SYNJ1: variants seen among roughly 807,000 people sequenced by gnomAD.
SYNJ1 encodes the protein polyphosphatidylinositol phosphatase SYNJ1.
SYNJ1 carries 78 observed loss-of-function variants against 168.2 expected under a neutral mutation model. That is an observed-to-expected ratio of 0.46 (90% CI 0.39 to 0.56). The LOEUF (loss-of-function observed/expected upper bound fraction) is 0.56. Among genes scored for constraint, SYNJ1 ranks in the 20% least tolerant of loss-of-function variants. The probability of loss-of-function intolerance (pLI) is 0.00; values close to 1 mark genes in which losing one functional copy is unlikely to be tolerated. For missense variants in SYNJ1, 1,303 were observed against 1,597.6 expected, an observed-to-expected ratio of 0.82 and a Z score of 3.14; for synonymous variants, 539 against 548.6, an observed-to-expected ratio of 0.98 and a Z score of 0.24.
At chr21:32,709,463 G>A (rs1283837486) in intron 2 of SYNJ1, among the ~76,000 whole-genome samples, 2 of 108,622 alleles carry the variant, frequency 1.8e-5, no homozygotes, top group Non-Finnish European at 3.4e-5. Flanking sequence ...GGGCGACACA[G>A]CAAGACTCTG....
At chr21:32,631,930 T>G in intron 32 of SYNJ1, 129 bp from the exon 33 acceptor site, 2 of 832,434 alleles carry the variant, frequency 2.4e-6, no homozygotes, top group South Asian at 4.4e-5. Context: ...AGTAGCTTTG[T>G]GTAGTTTGTT....
intron 23 of SYNJ1, among the ~76,000 whole-genome samples, chr21:32,649,219 G>T (rs371472452): frequency 2.6e-5 from 4 of 152,160 alleles, no homozygotes; most frequent in African/African-American, 7.2e-5. Context: ...CACAGCTGTC[G>T]AATCTCCAGC....
chr21:32,678,521 T>C, intron 12 of SYNJ1, 124 bp downstream of exon 12: 2 of 1,071,316 alleles, frequency 1.9e-6, no homozygotes, highest in Non-Finnish European at 2.5e-6. Flanking sequence ...TTTCAAAAAT[T>C]ACCTTTACAG....
At chr21:32,727,408 C>G (rs934341877) in intron 1 of SYNJ1, among the ~76,000 whole-genome samples, 10 of 152,264 alleles carry the variant, frequency 6.6e-5, no homozygotes, top group Middle Eastern at 3.4e-3. Flanking sequence ...TTATCCCACG[C>G]GACAGGCTCT....
chr21:32,637,654 G>A (rs2039639102), intron 31 of SYNJ1, among the ~76,000 whole-genome samples: 1 of 152,002 alleles, frequency 6.6e-6, no homozygotes, highest in African/African-American at 2.4e-5. Context: ...GACCTCAGGC[G>A]ATCGACCCGC....
upstream of SYNJ1, chr21:32,728,302 A>C: frequency 2.3e-6 from 1 of 429,320 alleles, no homozygotes; most frequent in Non-Finnish European, 4.2e-6. Flanking sequence ...CCGGGGAGGG[A>C]CTCCGGAGAA....
intron 32 of SYNJ1, among the ~76,000 whole-genome samples, chr21:32,632,717 T>C (rs2039392467): frequency 1.3e-5 from 2 of 152,240 alleles, no homozygotes; most frequent in South Asian, 2.1e-4. Context: ...TCTCCTTTGT[T>C]GAATAAACTG....
Position 32,641,313 on chromosome 21 carries a change from A to C in SYNJ1, c.3588+583T>G, listed in dbSNP as rs11911692. Among the ~76,000 whole-genome samples the C allele has an allele frequency of 1.3e-3, 197 of 152,318 alleles. 1 individual carries two copies. Among genetic ancestry groups the C allele is most frequent in the African/African-American group, 4.6e-3 (193 of 41,564 alleles). On this transcript the variant is annotated intron_variant, in intron 29 of 32. Coordinates refer to ENST00000674351, the MANE Select transcript of SYNJ1 (RefSeq NM_203446.3). ...TGATTACCTGTTATAGTCCAGAGAA[A>C]GTTTTCAAATAATAAAAAACCTATG...
In SYNJ1 at chr21:32,642,076, T is replaced by C; in HGVS notation, c.3517+19A>G. The C allele has an allele frequency of 6.2e-7, 1 of 1,614,134 alleles. No individual in the cohort carries two copies. Among genetic ancestry groups the C allele is most frequent in the South Asian group, 1.1e-5 (1 of 91,084 alleles). On this transcript the variant is annotated intron_variant, in intron 28 of 32. Coordinates refer to ENST00000674351, the MANE Select transcript of SYNJ1 (RefSeq NM_203446.3). Reference sequence around the variant, plus strand: ...CGGTCCAGTTTTAAGGGTGAATAGCTACATTCAAGTGTTTTTACCTATATT... The same window carrying C: ...CGGTCCAGTTTTAAGGGTGAATAGCCACATTCAAGTGTTTTTACCTATATT...
intron 2 of SYNJ1, 117 bp from the exon 3 acceptor site, chr21:32,702,164 T>C (rs576119143): frequency 2.6e-5 from 17 of 645,854 alleles, no homozygotes; most frequent in Admixed American, 2.1e-4. Flanking sequence ...TTAAAATAAA[T>C]GTACTGCATA....
Position 32,685,900 on chromosome 21 carries a change from A to G in SYNJ1, c.966T>C (p.Ser322=). Residue 322 remains serine, a synonymous_variant, in exon 9 of 33, where the codon TCT becomes TCC. Transcript: ENST00000674351. ...CCATCTGGATATCAGCAGCATGTTC[A>G]GAAGCTTTCAAATGACTCTGAAAGT... ...SKAFQSHLKA[S]EHAADIQMVN... is the part of the protein sequence containing the mutation. 1 of 1,605,596 alleles carries G rather than the reference A, an allele frequency of 6.2e-7. No homozygotes were observed. Among genetic ancestry groups the G allele is most frequent in the Non-Finnish European group, 8.5e-7 (1 of 1,177,238 alleles).
intron 9 of SYNJ1, among the ~76,000 whole-genome samples, 195 bp from the exon 10 acceptor site, chr21:32,684,314 T>C (rs1307586306): frequency 1.3e-5 from 2 of 152,218 alleles, no homozygotes; most frequent in Non-Finnish European, 1.5e-5. Flanking sequence ...ACTGTTAACA[T>C]TTTGTCACAT....
chr21:32,645,950 A>G (rs1415241040), intron 24 of SYNJ1, 161 bp from the exon 25 acceptor site: 2 of 1,095,894 alleles, frequency 1.8e-6, no homozygotes, highest in Non-Finnish European at 2.8e-6. Flanking sequence ...TCTACTATTA[A>G]ACTGCCCTTT....
At chr21:32,718,761 C>A (rs2043112474) in intron 2 of SYNJ1, among the ~76,000 whole-genome samples, 1 of 151,962 alleles carries the variant, frequency 6.6e-6, no homozygotes, top group African/African-American at 2.4e-5. Flanking sequence ...AGGAAAGAAA[C>A]TTTGTTTTTA....
At chr21:32,668,605 T>C (rs62214744) in intron 15 of SYNJ1, among the ~76,000 whole-genome samples, 74 of 152,340 alleles carry the variant, frequency 4.9e-4, no homozygotes, top group South Asian at 1.4e-3. Context: ...ACTTGCAAGA[T>C]TGATGACTAT....
intron 2 of SYNJ1, among the ~76,000 whole-genome samples, chr21:32,724,711 C>T (rs186379729): frequency 1.5e-3 from 227 of 152,158 alleles, no homozygotes; most frequent in African/African-American, 4.9e-3. Context: ...TGGTATCACT[C>T]CAAAATGAAG....
rs376763563 is a variant in SYNJ1 at position 32,640,716 on chromosome 21, T to G, written c.3589-937A>C. Among the ~76,000 whole-genome samples the G allele has an allele frequency of 2.8e-4, 42 of 152,358 alleles. No homozygotes were observed. The East Asian group carries it at 5.2e-3, about 19-fold the overall frequency. On this transcript the variant is annotated intron_variant, in intron 29 of 32. Transcript: ENST00000674351. ...AGCTGGGACTACAGGTGCATGCCAC[T>G]GCCACCCAGCCATATATATTGCTTT... is the stretch of plus-strand genomic sequence containing the variant.
chr21:32,634,066 A>G (rs2039456711), intron 32 of SYNJ1, among the ~76,000 whole-genome samples: 1 of 152,234 alleles, frequency 6.6e-6, no homozygotes, highest in Non-Finnish European at 1.5e-5. Context: ...GGCAGATAGA[A>G]TCGTCTGCAA....
intron 22 of SYNJ1, among the ~76,000 whole-genome samples, chr21:32,652,999 T>C (rs900202453): frequency 2.6e-5 from 4 of 152,192 alleles, no homozygotes; most frequent in African/African-American, 7.2e-5. Flanking sequence ...TACCCCCAAT[T>C]AAAACTTTAA....
Sources: allele counts gnomAD v4.1 joint callset (sites outside exome capture counted in the v4.1 genomes callset), GRCh38; gene constraint gnomAD v4.1.1; transcripts MANE v1.5; gene names NCBI Gene and HGNC (gene_info 2026-07-23, HGNC 2026-07-21).